The following TTC7B variants were observed in gnomAD, a reference collection of about 807,000 sequenced individuals.
TTC7B encodes tetratricopeptide repeat protein 7B.
TTC7B carries 28 observed loss-of-function variants against 106.8 expected under a neutral mutation model. The ratio of observed to expected loss-of-function variants is 0.26; its 90% CI spans 0.19 to 0.36. The LOEUF (loss-of-function observed/expected upper bound fraction) is 0.36, where lower values mean the gene tolerates loss of function less well. Among genes scored for constraint, TTC7B ranks in the 10% least tolerant of loss-of-function variants. The pLI is 1.00. For missense variants in TTC7B, 862 were observed against 1,076.4 expected, an observed-to-expected ratio of 0.80 and a Z score of 2.79; for synonymous variants, 405 against 430.6, an observed-to-expected ratio of 0.94 and a Z score of 0.74.
At position 90,525,588 on chromosome 14, in the gene TTC7B, A is replaced by T. The variant is rs1462079412; in HGVS notation, c.*15780T>A. 2 of 150,904 alleles carry T rather than the reference A, an allele frequency of 1.3e-5. No homozygotes were observed. Among genetic ancestry groups the T allele is most frequent in the East Asian group, 2.1e-4 (1 of 4,878 alleles). The allele number at this position is 150,904 out of a possible 1,614,324, so 9.3% of individuals were successfully genotyped here. A position where few individuals can be genotyped will look rare whatever the true frequency, so the allele number is the denominator to read the frequency against. On this transcript the variant is annotated 3_prime_UTR_variant, in exon 20 of 20. Coordinates refer to ENST00000328459, the MANE Select transcript of TTC7B (RefSeq NM_001010854.2). ...GGGATGGCGGGGTCGATCTGTGCAG[A>T]CGCTGCTAGTGGTTCCGCAGTCGTC... is the stretch of plus-strand genomic sequence containing the variant.
In TTC7B at chr14:90,537,703, C is replaced by T. The variant is rs1889453210; in HGVS notation, c.*3665G>A. The stretch of plus-strand genomic sequence containing the variant: ...TACCTGTCTTTCTTCAGCCAGATGT[C>T]ACCTTCTTAGCGAGGCTTCCCTAGT... On this transcript the variant is annotated 3_prime_UTR_variant, in exon 20 of 20. Coordinates refer to ENST00000328459, the MANE Select transcript of TTC7B (RefSeq NM_001010854.2). The T allele has an allele frequency of 1.3e-5, 2 of 152,254 alleles. No homozygotes were observed. Among genetic ancestry groups the T allele is most frequent in the African/African-American group, 4.8e-5 (2 of 41,422 alleles). The allele number at this position is 152,254 out of a possible 1,614,324, so 9.4% of individuals were successfully genotyped here. A position where few individuals can be genotyped will look rare whatever the true frequency, so the allele number is the denominator to read the frequency against.
At chr14:90,724,531 C>T (rs903197386) in intron 5 of TTC7B, among the ~76,000 whole-genome samples, 4 of 152,164 alleles carry the variant, frequency 2.6e-5, no homozygotes, top group Non-Finnish European at 5.9e-5. Context: ...AGTGAGTTCT[C>T]ATGCGAACTG....
chr14:90,763,725 T>C (rs1415215807), intron 3 of TTC7B, among the ~76,000 whole-genome samples: 1 of 152,152 alleles, frequency 6.6e-6, no homozygotes, highest in African/African-American at 2.4e-5. Context: ...ATGAGCAATC[T>C]GAAATTTAAA....
At chr14:90,584,183 C>A (rs1368124959) in intron 18 of TTC7B, among the ~76,000 whole-genome samples, 1 of 152,240 alleles carries the variant, frequency 6.6e-6, no homozygotes, top group Non-Finnish European at 1.5e-5. Flanking sequence ...GTTTGTTGAA[C>A]CAGACTGGAG....
In TTC7B at chr14:90,757,715, C is replaced by G. The variant is rs1890349953; in HGVS notation, c.446-12793G>C. Among the ~76,000 whole-genome samples, 1 of 152,148 alleles carries G rather than the reference C, an allele frequency of 6.6e-6. No individual in the cohort carries two copies. The highest frequency in any genetic ancestry group is 1.5e-5 in the Non-Finnish European group (1 of 68,012). On this transcript the variant is annotated intron_variant, in intron 3 of 19. Transcript: ENST00000328459. This position sits in a 1 kb window ranked among gnomAD's most constrained non-coding sequence, Gnocchi z 4.1. ...CTGTCCTACGGCTCTAGGATGACAC[C>G]TAGAAGATCATGGTCATTAGCAAAT...
chr14:90,779,228 G>C (rs768055393), intron 3 of TTC7B, among the ~76,000 whole-genome samples: 7 of 152,242 alleles, frequency 4.6e-5, no homozygotes, highest in Non-Finnish European at 8.8e-5. Flanking sequence ...CTGCTGGCCT[G>C]AAGTGACCTC....
intron 18 of TTC7B, among the ~76,000 whole-genome samples, chr14:90,579,601 C>T (rs1891404331): frequency 6.6e-6 from 1 of 152,124 alleles, no homozygotes; most frequent in Non-Finnish European, 1.5e-5. Flanking sequence ...AGTTCGAAAC[C>T]AGCCTGGCCA....
chr14:90,559,366 C>A (rs10146198), intron 19 of TTC7B, among the ~76,000 whole-genome samples: 2 of 152,236 alleles, frequency 1.3e-5, no homozygotes, highest in Admixed American at 1.3e-4. Flanking sequence ...GGAGTCTTTG[C>A]GAATGCAGTG....
At chr14:90,751,194 T>C (rs949747218) in intron 3 of TTC7B, among the ~76,000 whole-genome samples, 4 of 152,152 alleles carry the variant, frequency 2.6e-5, no homozygotes, top group African/African-American at 9.7e-5. Flanking sequence ...GTTAAAGTGA[T>C]GTACAAAAAG....
At chr14:90,798,732 A>AAAC (rs869302614) in intron 1 of TTC7B, among the ~76,000 whole-genome samples, 20 of 147,104 alleles carry the variant, frequency 1.4e-4, no homozygotes, top group Middle Eastern at 3.7e-3. Context: ...AAAAAAAAAA[A>AAAC]CACGCAATAA....
intron 5 of TTC7B, among the ~76,000 whole-genome samples, chr14:90,721,590 T>G (rs953406221): frequency 5.3e-5 from 8 of 152,154 alleles, no homozygotes; most frequent in African/African-American, 1.9e-4. Context: ...AGGTCCTTAA[T>G]TTTCAAGTGT....
intron 15 of TTC7B, among the ~76,000 whole-genome samples, chr14:90,628,723 T>A (rs1884560061): frequency 6.6e-6 from 1 of 152,210 alleles, no homozygotes; most frequent in Non-Finnish European, 1.5e-5. Flanking sequence ...CAGGGCCACA[T>A]GGGACCGCGC....
chr14:90,635,380 G>T (rs910393857), intron 15 of TTC7B, among the ~76,000 whole-genome samples: 2 of 152,116 alleles, frequency 1.3e-5, no homozygotes, highest in African/African-American at 4.8e-5. Context: ...TAGCATGGTA[G>T]ACACAAATAT....
chr14:90,719,397 G>A (rs551988205), intron 5 of TTC7B, among the ~76,000 whole-genome samples: 1 of 152,258 alleles, frequency 6.6e-6, no homozygotes, highest in South Asian at 2.1e-4. Context: ...GATAAAAATG[G>A]CCCCTGATTG....
rs746268858 is a variant in TTC7B, at chr14:90,689,709, T to C, written c.781A>G (p.Ile261Val). 1.1e-5 allele frequency: 18 copies of C among 1,613,868 alleles called. No individual in the cohort carries two copies. The South Asian group carries it at 1.8e-4, about 16-fold the overall frequency. Reference sequence around the variant, plus strand: ...AAGATCTCTGCCAGCTGCCTGGCTATTGTCTGGGAACATAAACGAGGAAAA... The same window carrying C: ...AAGATCTCTGCCAGCTGCCTGGCTACTGTCTGGGAACATAAACGAGGAAAA... ...TRTTQNLRMT[I>V]ARQLAEILLR... The change falls in exon 7 of 20, where the codon ATA becomes GTA. Residue 261 changes from isoleucine to valine, a missense_variant. Transcript: ENST00000328459.
At position 90,670,514 on chromosome 14, in the gene TTC7B, A is replaced by T. The variant is rs552122670; in HGVS notation, c.1152+6009T>A. 1.2e-4 allele frequency among the ~76,000 whole-genome samples: 18 copies of T among 152,260 alleles called. No individual in the cohort carries two copies. The East Asian group carries it at 1.4e-3, about 11-fold the overall frequency. ...GGTTAACATGGCATATTAAAAAAAA[A>T]TTTTAAACAAAGAACTAAAACAAAA... On this transcript the variant is annotated intron_variant, in intron 9 of 19. Transcript: ENST00000328459.
chr14:90,778,655 A>G (rs996567011), intron 3 of TTC7B, among the ~76,000 whole-genome samples: 1 of 152,194 alleles, frequency 6.6e-6, no homozygotes, highest in Non-Finnish European at 1.5e-5. Context: ...GGGAGGAAAG[A>G]GCGTGGCTGT....
intron 1 of TTC7B, among the ~76,000 whole-genome samples, chr14:90,806,694 C>G (rs562123597): frequency 1.4e-4 from 21 of 152,212 alleles, no homozygotes; most frequent in Non-Finnish European, 2.4e-4. Context: ...ATCACTTGAG[C>G]CCAGGAGTTC....
chr14:90,784,200 C>T (rs117256203), intron 2 of TTC7B, among the ~76,000 whole-genome samples: 3,076 of 152,174 alleles, frequency 0.02, 57 homozygotes, highest in Middle Eastern at 0.071. Context: ...AGACCTACCA[C>T]CTGTGTCCCC....
Sources: gnomAD v4.1 joint callset for allele counts (sites outside exome capture counted in the v4.1 genomes callset) on GRCh38, gnomAD v4.1.1 for gene constraint, Gnocchi (gnomAD v3.1) non-coding constraint, MANE v1.5 for transcripts, NCBI Gene and HGNC (gene_info 2026-07-23, HGNC 2026-07-21) for gene names.